KDM6A: variants seen among roughly 807,000 people sequenced by gnomAD.
KDM6A encodes lysine-specific demethylase 6A.
A neutral mutation model predicts 117.6 loss-of-function variants in KDM6A; 11 were observed. The ratio of observed to expected loss-of-function variants is 0.09; its 90% confidence interval spans 0.06 to 0.15. The LOEUF is 0.15. KDM6A is among the 10% of genes least tolerant of loss of function. The pLI is 1.00. For missense variants in KDM6A, 799 were observed against 1,077.3 expected (o/e 0.74, Z 3.62); for synonymous variants, 384 against 396.1 (o/e 0.97, Z 0.36).
intron 4 of KDM6A, among the ~76,000 whole-genome samples, chrX:45,006,542 A>T (rs2041499890): frequency 9.1e-6 from 1 of 109,904 alleles, no homozygotes; most frequent in Admixed American, 9.7e-5. Context: ...CTAGGGTTAG[A>T]CCGCCCAGGC....
Position 44,984,461 on chromosome X carries a change from G to A in KDM6A, c.384+9746G>A, listed in dbSNP as rs781712147. Among the ~76,000 whole-genome samples the A allele has an allele frequency of 3.6e-5, 4 of 111,659 alleles. No individual in the cohort carries two copies. The South Asian group carries it at 1.1e-3, about 32-fold the overall frequency. ...TTGGCTTTTGTTGCCATTGCTTTTG[G>A]TGTTTTAGACATGAAGTCCTTGCCC... On this transcript the variant is annotated intron_variant, in intron 4 of 29. Coordinates refer to ENST00000611820, the MANE Select transcript of KDM6A (RefSeq NM_001291415.2).
intron 2 of KDM6A, among the ~76,000 whole-genome samples, chrX:44,913,766 G>A (rs970730350): frequency 1.6e-4 from 17 of 109,186 alleles, no homozygotes; most frequent in African/African-American, 5.7e-4. Context: ...ATATGTATAC[G>A]CACACACACA....
rs182574430 is a variant in KDM6A at position 44,885,342 on chromosome X, A to G, written c.225+11355A>G. ...TGCCTGGCCTACATTTCAAATCTCA[A>G]ATCCGTTTCCCTCCATCCCCACTGC... On this transcript the variant is annotated intron_variant, in intron 2 of 29. Coordinates refer to ENST00000611820, the MANE Select transcript of KDM6A (RefSeq NM_001291415.2). 3.0e-4 allele frequency among the ~76,000 whole-genome samples: 33 copies of G among 109,867 alleles called. No homozygotes were observed. The East Asian group carries it at 8.8e-3, about 29-fold the overall frequency.
chrX:44,910,780 G>T (rs1373587196), intron 2 of KDM6A, among the ~76,000 whole-genome samples: 2 of 110,766 alleles, frequency 1.8e-5, no homozygotes, highest in African/African-American at 6.6e-5. Context: ...ACCCTGAGTG[G>T]ACACAGCACA....
Position 45,067,653 on chromosome X carries a change from G to GTTTTT in KDM6A, c.2080-1913_2080-1909dup, listed in dbSNP as rs1192862756. ...ACTCACTGGTGTGTATCTTTTTTTT[G>GTTTTT]TTTTTTTTTTTTTTTTTGAGATGGA... On this transcript the variant is annotated intron_variant, in intron 17 of 29. Transcript: ENST00000611820. Among the ~76,000 whole-genome samples, 371 of 83,262 alleles carry GTTTTT rather than the reference G, an allele frequency of 4.5e-3. 4 individuals are homozygous for GTTTTT. The highest frequency in any genetic ancestry group is 0.017 in the African/African-American group (361 of 21,455). 72.3% of individuals were successfully genotyped at this position (83,262 alleles called of 115,157 possible).
At chrX:44,950,927 C>G (rs1233723718) in intron 2 of KDM6A, among the ~76,000 whole-genome samples, 1 of 109,918 alleles carries the variant, frequency 9.1e-6, no homozygotes, top group African/African-American at 3.3e-5. Flanking sequence ...AGCTCACATT[C>G]CTTTCCTTAT....
At chrX:44,974,843 G>A (rs1386136747) in intron 4 of KDM6A, 128 bp downstream of exon 4, 1 of 534,892 alleles carries the variant, frequency 1.9e-6, no homozygotes, top group Non-Finnish European at 3.3e-6. Flanking sequence ...TAGGGGAAAG[G>A]TATTGGAAAA....
intron 10 of KDM6A, among the ~76,000 whole-genome samples, chrX:45,057,761 C>T (rs909333265): frequency 1.8e-5 from 2 of 110,359 alleles, no homozygotes; most frequent in Admixed American, 9.7e-5. Context: ...CTTCTCTGCC[C>T]GAATCAGTGG....
intron 6 of KDM6A, among the ~76,000 whole-genome samples, chrX:45,031,277 G>T (rs767079580): frequency 9.0e-6 from 1 of 111,540 alleles, no homozygotes; most frequent in South Asian, 3.7e-4. Context: ...TCCTATTAAG[G>T]CATTAATTTC....
chrX:44,907,963 C>CT (rs1264672205), intron 2 of KDM6A, among the ~76,000 whole-genome samples: 1 of 109,197 alleles, frequency 9.2e-6, no homozygotes, highest in African/African-American at 3.3e-5. Context: ...CTCAGTGTGT[C>CT]TGTTTTAATT....
intron 2 of KDM6A, among the ~76,000 whole-genome samples, chrX:44,895,134 C>T (rs2033724544): frequency 9.9e-6 from 1 of 100,619 alleles, no homozygotes; most frequent in African/African-American, 3.7e-5. Flanking sequence ...GAGACAGAGT[C>T]TCGCTCTGTC....
intron 18 of KDM6A, 45 bp downstream of exon 18, chrX:45,070,402 G>A (rs1228361512): frequency 8.9e-7 from 1 of 1,121,389 alleles, no homozygotes; most frequent in Non-Finnish European, 1.2e-6. Flanking sequence ...TTGACTTACT[G>A]GCATGATCAG....
At chrX:44,930,722 G>A (rs1320036100) in intron 2 of KDM6A, among the ~76,000 whole-genome samples, 4 of 111,774 alleles carry the variant, frequency 3.6e-5, no homozygotes, top group East Asian at 2.8e-4. Context: ...TGAAAGATAC[G>A]CACTTTTAAA....
At chrX:44,979,374 CCTT>C (rs1228201864) in intron 4 of KDM6A, among the ~76,000 whole-genome samples, 2 of 108,989 alleles carry the variant, frequency 1.8e-5, no homozygotes, top group Admixed American at 9.9e-5. Flanking sequence ...CTCCCTCTTC[CCTT>C]CTTCTTTCTT....
At chrX:45,074,014 C>T (rs1166439700) in intron 18 of KDM6A, among the ~76,000 whole-genome samples, 1 of 111,953 alleles carries the variant, frequency 8.9e-6, no homozygotes, top group Non-Finnish European at 1.9e-5. Flanking sequence ...TTAGGTCTAA[C>T]GTTTAAGTCT....
chrX:44,949,983 G>A (rs1217944469), intron 2 of KDM6A, among the ~76,000 whole-genome samples: 2 of 110,202 alleles, frequency 1.8e-5, no homozygotes, highest in East Asian at 5.7e-4. Context: ...AGTAGCACAA[G>A]CAAATTAAAT....
chrX:45,041,615 G>GGCGGCGGGGCA (rs1481145792), intron 8 of KDM6A, among the ~76,000 whole-genome samples: 17 of 112,286 alleles, frequency 1.5e-4, no homozygotes, highest in Non-Finnish European at 2.8e-4. Context: ...TCCCAGACAG[G>GGCGGCGGGGCA]GCGGCGGGGC....
intron 2 of KDM6A, among the ~76,000 whole-genome samples, chrX:44,935,354 A>T (rs1033637663): frequency 1.3e-4 from 15 of 111,350 alleles, no homozygotes; most frequent in African/African-American, 3.9e-4. Context: ...ACACAGTTAT[A>T]AATAGAATAT....
At chrX:44,873,783 C>T (rs1036541022) in intron 1 of KDM6A, 71 bp downstream of exon 1, 345 of 1,147,739 alleles carry the variant, frequency 3.0e-4, no homozygotes, top group Non-Finnish European at 3.8e-4. Context: ...GGACCGAGCG[C>T]GGCTTGTCTC....
Sources: allele counts gnomAD v4.1 joint callset (sites outside exome capture counted in the v4.1 genomes callset), GRCh38; gene constraint gnomAD v4.1.1; transcripts MANE v1.5; gene names NCBI Gene and HGNC (gene_info 2026-07-23, HGNC 2026-07-21).